EPS15: variants seen among roughly 807,000 people sequenced by gnomAD.
The protein encoded by EPS15 is epidermal growth factor receptor substrate 15.
Under a neutral mutation model 113.8 loss-of-function variants are expected in EPS15, and 72 were observed. The ratio of observed to expected loss-of-function variants is 0.63; its 90% CI spans 0.52 to 0.77. The LOEUF (loss-of-function observed/expected upper bound fraction) is 0.77. Ranked by LOEUF, EPS15 falls within the 30% of genes least tolerant of loss-of-function variation. EPS15 has a pLI of 0.00. For synonymous variants in EPS15, 344 were observed against 363.4 expected (o/e 0.95, Z 0.61); for missense variants, 1,048 against 1,045.8 (o/e 1.00, Z -0.03).
intron 23 of EPS15, 49 bp downstream of exon 23, chr1:51,363,817 A>G (rs1003436838): frequency 6.5e-7 from 1 of 1,538,566 alleles, no homozygotes; most frequent in Non-Finnish European, 8.8e-7. Context: ...TACTTTTCAG[A>G]AAGAGAAAAG....
intron 1 of EPS15, among the ~76,000 whole-genome samples, chr1:51,514,636 A>T (rs1644682044): frequency 6.6e-6 from 1 of 152,204 alleles, no homozygotes; most frequent in Non-Finnish European, 1.5e-5. Context: ...ATGATACTCA[A>T]TCTTTTTCTA....
intron 11 of EPS15, among the ~76,000 whole-genome samples, chr1:51,442,809 G>C (rs915318521): frequency 6.6e-6 from 1 of 152,064 alleles, no homozygotes. Context: ...ATAAAGTAAA[G>C]CTCTAACCTT....
intron 16 of EPS15, among the ~76,000 whole-genome samples, chr1:51,404,030 C>G (rs1396018607): frequency 6.6e-6 from 1 of 152,092 alleles, no homozygotes; most frequent in East Asian, 1.9e-4. Context: ...TTCATTTAGA[C>G]GAGTGGGTGA....
chr1:51,472,849 C>A lies in EPS15; in HGVS notation c.165+10G>T, dbSNP rs764216878. The A allele has an allele frequency of 6.3e-7, 1 of 1,597,052 alleles. No homozygotes were observed. The highest frequency in any genetic ancestry group is 2.2e-5 in the East Asian group (1 of 44,780). ...AAACTTATAATCTAGTTATAATGAA[C>A]GAATACTACCTTTCCAAGTATCAAG... On this transcript the variant is annotated intron_variant, in intron 3 of 24. Coordinates refer to ENST00000371733, the MANE Select transcript of EPS15 (RefSeq NM_001981.3).
intron 13 of EPS15, among the ~76,000 whole-genome samples, chr1:51,417,890 T>A (rs1650388127): frequency 6.6e-6 from 1 of 152,146 alleles, no homozygotes; most frequent in Non-Finnish European, 1.5e-5. Context: ...TCCAATAACC[T>A]GAGGTATGAC....
intron 1 of EPS15, among the ~76,000 whole-genome samples, chr1:51,486,884 A>G (rs944038785): frequency 3.3e-5 from 5 of 151,950 alleles, no homozygotes; most frequent in African/African-American, 1.2e-4. Flanking sequence ...TGGCCAGGCT[A>G]GTCTTGAACT....
intron 13 of EPS15, among the ~76,000 whole-genome samples, chr1:51,420,606 T>C (rs1040056259): frequency 1.3e-5 from 2 of 152,176 alleles, no homozygotes; most frequent in Admixed American, 6.6e-5. Context: ...CACAAAATAA[T>C]GTAATTCAGA....
rs745762880 is a variant in EPS15, at chr1:51,356,788, T to C, written c.2603A>G (p.Glu868Gly). 1.2e-5 allele frequency: 19 copies of C among 1,613,650 alleles called. No individual in the cohort carries two copies. In the South Asian group the frequency reaches 2.1e-4, roughly 18 times the overall value. ...CTGATTTAGTCGGGCAAGCCTCTGCTCTTCCTCTCTCTCACTTTCCCTCTT... is the reference window on the plus strand; with the variant it reads ...CTGATTTAGTCGGGCAAGCCTCTGCCCTTCCTCTCTCTCACTTTCCCTCTT... ...WAKRESEREE[E>G]QRLARLNQQE... Residue 868 changes from glutamate (E) to glycine (G), a missense_variant, in exon 25 of 25, where the codon GAG becomes GGG. Transcript: ENST00000371733.
chr1:51,376,438 C>T (rs891297740), intron 21 of EPS15, among the ~76,000 whole-genome samples: 1 of 152,142 alleles, frequency 6.6e-6, no homozygotes, highest in Non-Finnish European at 1.5e-5. Flanking sequence ...CCAAGGCGGG[C>T]AGATCACTTG....
intron 10 of EPS15, among the ~76,000 whole-genome samples, chr1:51,445,432 T>C (rs985885249): frequency 1.3e-5 from 2 of 152,202 alleles, no homozygotes; most frequent in African/African-American, 4.8e-5. Flanking sequence ...ACTGGTGGCA[T>C]TAGAAGGATT....
At position 51,399,130 on chromosome 1, in the gene EPS15, G is replaced by A. The variant is rs749448640; in HGVS notation, c.1954C>T (p.Pro652Ser). 2 of 1,613,774 alleles carry A rather than the reference G, an allele frequency of 1.2e-6. No homozygotes were observed. The highest frequency in any genetic ancestry group is 1.7e-6 in the Non-Finnish European group (2 of 1,179,868). Residue 652 changes from proline (P) to serine (S), a missense_variant, in exon 20 of 25, where the codon CCA (proline) becomes TCA (serine). Transcript: ENST00000371733. ...CTGAAGAAACAGTCTGATGCAAATG[G>A]ATCTGAACCTTTGAAAGGATCACCA... ...FGGDPFKGSD[P>S]FASDCFFRQS...
intron 1 of EPS15, among the ~76,000 whole-genome samples, chr1:51,508,250 G>GAA (rs1190191106): frequency 1.6e-4 from 5 of 31,286 alleles, no homozygotes; most frequent in South Asian, 1.2e-3. Context: ...AAGAGAGAAA[G>GAA]AGAGAGAGAG....
intron 19 of EPS15, among the ~76,000 whole-genome samples, chr1:51,400,712 C>CAAAAAAAAAAAAAAAAAAAAAAAA (rs375748381): frequency 1.2e-4 from 7 of 60,144 alleles, no homozygotes; most frequent in Admixed American, 2.1e-4. Context: ...CAAAAAACAC[C>CAAAAAAAAAAAAAAAAAAAAAAAA]AAAAAAAAAA....
chr1:51,514,643 T>C (rs2148570669), intron 1 of EPS15, among the ~76,000 whole-genome samples: 1 of 152,340 alleles, frequency 6.6e-6, no homozygotes, highest in Middle Eastern at 3.4e-3. Flanking sequence ...TCAATCTTTT[T>C]CTATTACACG....
chr1:51,471,116 T>A (rs1363177863), intron 4 of EPS15, among the ~76,000 whole-genome samples: 1 of 152,198 alleles, frequency 6.6e-6, no homozygotes, highest in East Asian at 1.9e-4. Context: ...CTTTGAGTAG[T>A]GGCACTCAGC....
chr1:51,511,299 GC>G (rs1644615811), intron 1 of EPS15, among the ~76,000 whole-genome samples: 1 of 151,962 alleles, frequency 6.6e-6, no homozygotes, highest in Non-Finnish European at 1.5e-5. Flanking sequence ...ATAGAGACCA[GC>G]CTGGAAAACA....
chr1:51,454,805 T>C (rs189491510), intron 8 of EPS15, among the ~76,000 whole-genome samples: 1 of 152,316 alleles, frequency 6.6e-6, no homozygotes, highest in East Asian at 1.9e-4. Context: ...GTTGGTTTTT[T>C]AGTTTTGACA....
At chr1:51,359,651 G>A (rs1176863518) in intron 24 of EPS15, among the ~76,000 whole-genome samples, 2 of 151,398 alleles carry the variant, frequency 1.3e-5, no homozygotes, top group African/African-American at 4.9e-5. Flanking sequence ...CCAGCTACTC[G>A]GGAGGCTGAG....
chr1:51,378,679 A>G (rs1646860961), intron 21 of EPS15, among the ~76,000 whole-genome samples: 1 of 152,234 alleles, frequency 6.6e-6, no homozygotes, highest in Non-Finnish European at 1.5e-5. Flanking sequence ...ATATACGAAT[A>G]CATATAATTA....
Sources: gnomAD v4.1 joint callset for allele counts (sites outside exome capture counted in the v4.1 genomes callset) on GRCh38, gnomAD v4.1.1 for gene constraint, MANE v1.5 for transcripts, NCBI Gene and HGNC (gene_info 2026-07-23, HGNC 2026-07-21) for gene names.